The following SKA1 variants were observed in gnomAD, a reference collection of about 807,000 sequenced individuals.
SKA1 encodes SKA complex subunit 1.
Under a neutral mutation model 31.8 loss-of-function variants are expected in SKA1, and 20 were observed. The observed-to-expected ratio is 0.63, with a 90% confidence interval of 0.44 to 0.91. The LOEUF (loss-of-function observed/expected upper bound fraction) is 0.91. SKA1 is among the 40% of genes least tolerant of loss of function. The pLI is 0.00. For synonymous variants in SKA1, 88 were observed against 100.5 expected (o/e 0.88, Z 0.74); for missense variants, 253 against 298.2 (o/e 0.85, Z 1.12).
In SKA1 at chr18:50,385,277, A is replaced by C. The variant is rs886705637; in HGVS notation, c.373A>C (p.Lys125Gln). The C allele has an allele frequency of 6.2e-7, 1 of 1,613,764 alleles. No homozygotes were observed. Among genetic ancestry groups the C allele is most frequent in the Admixed American group, 1.7e-5 (1 of 60,004 alleles). ...CAAAGTTGAAGAACCTGAACCCGTA[A>C]AGAAGCCTCCCAAAGAGCAAAGAAG... ...PIKVEEPEPVKKPPKEQRSIK... is the reference protein window; with the variant it reads ...PIKVEEPEPVQKPPKEQRSIK... The change falls in exon 5 of 7, where the codon AAG becomes CAG. Residue 125 changes from lysine to glutamine, a missense_variant. Coordinates refer to ENST00000285116, the MANE Select transcript of SKA1 (RefSeq NM_145060.4).
intron 5 of SKA1, among the ~76,000 whole-genome samples, chr18:50,385,743 C>T (rs1010610925): frequency 6.6e-6 from 1 of 151,446 alleles, no homozygotes; most frequent in Non-Finnish European, 1.5e-5. Flanking sequence ...CTTGTTTGAG[C>T]CTGTGCTATA....
rs1568331917 is a variant in SKA1 at position 50,392,170 on chromosome 18, T to C, written c.691T>C (p.Leu231=). The change falls in exon 7 of 7, where the codon TTA becomes CTA. Residue 231 remains leucine, a synonymous_variant. Coordinates refer to ENST00000285116, the MANE Select transcript of SKA1 (RefSeq NM_145060.4). ...GAAAGCTGACAAGAAGTTTCACGTGTTACTGAATATTTTACGACACTGCCG... is the reference window on the plus strand; with the variant it reads ...GAAAGCTGACAAGAAGTTTCACGTGCTACTGAATATTTTACGACACTGCCG... ...TLKADKKFHV[L]LNILRHCRRL... is the part of the protein sequence containing the mutation. 6.2e-7 allele frequency: 1 copy of C among 1,611,032 alleles called. No homozygotes were observed. Among genetic ancestry groups the C allele is most frequent in the Non-Finnish European group, 8.5e-7 (1 of 1,179,486 alleles).
chr18:50,389,370 CCTTT>C (rs1371352581), intron 5 of SKA1, among the ~76,000 whole-genome samples: 15 of 134,710 alleles, frequency 1.1e-4, no homozygotes, highest in Non-Finnish European at 1.7e-4. Context: ...ATTTCCTTTA[CCTTT>C]CTTTTTTTTT....
intron 5 of SKA1, among the ~76,000 whole-genome samples, chr18:50,390,266 G>T (rs1214580474): frequency 6.6e-6 from 1 of 152,152 alleles, no homozygotes; most frequent in Non-Finnish European, 1.5e-5. Context: ...CCATATCATT[G>T]TATCAAGGAA....
At chr18:50,391,404 C>T (rs1325529708) in intron 6 of SKA1, 111 bp downstream of exon 6, 1 of 1,077,832 alleles carries the variant, frequency 9.3e-7, no homozygotes, top group East Asian at 2.9e-5. Flanking sequence ...TAATTCCCAA[C>T]CAGGAGCAGT....
intron 5 of SKA1, among the ~76,000 whole-genome samples, chr18:50,385,757 C>G (rs1294417001): frequency 1.3e-5 from 2 of 152,192 alleles, no homozygotes; most frequent in Non-Finnish European, 2.9e-5. Context: ...TGCTATATTC[C>G]AGGCCCTGGG....
chr18:50,379,035 C>A (rs1260412713), intron 2 of SKA1, among the ~76,000 whole-genome samples: 1 of 148,564 alleles, frequency 6.7e-6, no homozygotes, highest in African/African-American at 2.5e-5. Flanking sequence ...AGGCCTTCTA[C>A]CTGGTTCACT....
chr18:50,376,368 C>CTAT (rs1301034207), intron 2 of SKA1, among the ~76,000 whole-genome samples: 1 of 152,228 alleles, frequency 6.6e-6, no homozygotes, highest in Non-Finnish European at 1.5e-5. Flanking sequence ...GCTATATAGC[C>CTAT]TATTGCTCCT....
chr18:50,379,482 A>T (rs1182339340), intron 2 of SKA1, among the ~76,000 whole-genome samples: 1 of 152,188 alleles, frequency 6.6e-6, no homozygotes, highest in Non-Finnish European at 1.5e-5. Flanking sequence ...TTCCACACAC[A>T]CACTGAAGGG....
At chr18:50,388,079 T>C (rs1345322596) in intron 5 of SKA1, among the ~76,000 whole-genome samples, 1 of 152,098 alleles carries the variant, frequency 6.6e-6, no homozygotes, top group African/African-American at 2.4e-5. Context: ...CCCATTTCTT[T>C]TGTTTGTTTT....
chr18:50,385,052 G>T (rs1337517345), intron 4 of SKA1, among the ~76,000 whole-genome samples, 164 bp from the exon 5 acceptor site: 1 of 149,382 alleles, frequency 6.7e-6, no homozygotes, highest in African/African-American at 2.6e-5. Context: ...TTCCTTCACC[G>T]TTTAATGTTC....
At chr18:50,388,486 T>C (rs530155913) in intron 5 of SKA1, among the ~76,000 whole-genome samples, 33 of 152,266 alleles carry the variant, frequency 2.2e-4, no homozygotes, top group African/African-American at 7.0e-4. Context: ...TAAGTGTTAG[T>C]TCACTAATAC....
intron 4 of SKA1, among the ~76,000 whole-genome samples, chr18:50,384,649 A>AT (rs1568329649): frequency 7.0e-6 from 1 of 142,220 alleles, no homozygotes; most frequent in African/African-American, 2.7e-5. Context: ...TTAAGGGGTT[A>AT]GAACAATGAG....
At chr18:50,381,673 T>G (rs1483484507) in intron 3 of SKA1, among the ~76,000 whole-genome samples, 1 of 151,518 alleles carries the variant, frequency 6.6e-6, no homozygotes, top group Non-Finnish European at 1.5e-5. Flanking sequence ...TATTGCTGGA[T>G]TCATTGCTTT....
chr18:50,377,996 C>CCT (rs1555717010), intron 2 of SKA1, among the ~76,000 whole-genome samples: 2 of 152,054 alleles, frequency 1.3e-5, no homozygotes, highest in African/African-American at 4.8e-5. Context: ...TGGCCCAGGT[C>CCT]CCTCAGCTCA....
intron 3 of SKA1, among the ~76,000 whole-genome samples, chr18:50,381,871 G>A (rs966631864): frequency 3.9e-5 from 6 of 151,932 alleles, no homozygotes; most frequent in African/African-American, 9.7e-5. Flanking sequence ...GACTATAGGC[G>A]CGTGCCACCA....
At chr18:50,381,163 G>A (rs960171581) in intron 3 of SKA1, among the ~76,000 whole-genome samples, 1 of 152,228 alleles carries the variant, frequency 6.6e-6, no homozygotes, top group African/African-American at 2.4e-5. Context: ...ACTCAGAACT[G>A]AAGGCTATTT....
chr18:50,376,187 A>G (rs1196807750), intron 2 of SKA1, among the ~76,000 whole-genome samples: 1 of 152,214 alleles, frequency 6.6e-6, no homozygotes, highest in Admixed American at 6.5e-5. Context: ...TTTGAAGGTT[A>G]TGTGGCATCC....
At chr18:50,389,375 C>CTTT (rs756288352) in intron 5 of SKA1, among the ~76,000 whole-genome samples, 33 of 86,108 alleles carry the variant, frequency 3.8e-4, no homozygotes, top group African/African-American at 1.2e-3. Context: ...CTTTACCTTT[C>CTTT]TTTTTTTTTT....
Sources: gnomAD v4.1 joint callset for allele counts (sites outside exome capture counted in the v4.1 genomes callset) on GRCh38, gnomAD v4.1.1 for gene constraint, MANE v1.5 for transcripts, NCBI Gene and HGNC (gene_info 2026-07-23, HGNC 2026-07-21) for gene names.